NEK10: variants seen among roughly 807,000 people sequenced by gnomAD.
NEK10 encodes NIMA related kinase 10.
Under a neutral mutation model 159.8 loss-of-function variants are expected in NEK10, and 122 were observed. The ratio of observed to expected loss-of-function variants is 0.76; its 90% confidence interval spans 0.66 to 0.89. The LOEUF (loss-of-function observed/expected upper bound fraction) is 0.89. Among genes scored for constraint, NEK10 ranks in the 40% least tolerant of loss-of-function variants. The probability of loss-of-function intolerance (pLI) is 0.00; values close to 1 mark genes in which losing one functional copy is unlikely to be tolerated. For missense variants in NEK10, 1,342 were observed against 1,323.1 expected (o/e 1.01, Z -0.22); for synonymous variants, 466 against 457.1 (o/e 1.02, Z -0.25).
intron 1 of NEK10, among the ~76,000 whole-genome samples, chr3:27,361,165 T>C (rs1287563159): frequency 6.6e-6 from 1 of 152,246 alleles, no homozygotes. Context: ...TGATTTATTC[T>C]CATTCCAACT....
Position 27,236,874 on chromosome 3 carries a change from C to T in NEK10, c.2090+19422G>A, listed in dbSNP as rs989558697. ...GAAAACAGGGTTCAAGAGCACAGAA[C>T]CAGTCTGATCTCAAATTTACTAGGG... On this transcript the variant is annotated intron_variant, in intron 23 of 35. Coordinates refer to ENST00000691995, the MANE Select transcript of NEK10 (RefSeq NM_001394966.1). Among the ~76,000 whole-genome samples the T allele has an allele frequency of 8.5e-5, 13 of 152,244 alleles. No individual in the cohort carries two copies. The South Asian group carries it at 2.5e-3, about 29-fold the overall frequency.
At chr3:27,337,052 C>A (rs1395924798) in intron 5 of NEK10, among the ~76,000 whole-genome samples, 1 of 151,940 alleles carries the variant, frequency 6.6e-6, no homozygotes, top group Admixed American at 6.6e-5. Flanking sequence ...GAAGATGTAC[C>A]TCTTTGCAGA....
At chr3:27,243,065 T>C (rs985376672) in intron 23 of NEK10, among the ~76,000 whole-genome samples, 2 of 152,132 alleles carry the variant, frequency 1.3e-5, no homozygotes, top group Non-Finnish European at 2.9e-5. Context: ...TTAAAATCCT[T>C]CTCCAAAGAG....
At chr3:27,243,584 A>G (rs1291403665) in intron 23 of NEK10, among the ~76,000 whole-genome samples, 1 of 152,140 alleles carries the variant, frequency 6.6e-6, no homozygotes, top group Non-Finnish European at 1.5e-5. Flanking sequence ...ATATACTGTC[A>G]TAATGTCTGA....
chr3:27,165,343 G>A (rs1946382758), intron 29 of NEK10, among the ~76,000 whole-genome samples: 1 of 152,148 alleles, frequency 6.6e-6, no homozygotes, highest in South Asian at 2.1e-4. Flanking sequence ...GTTCACAGAT[G>A]GACAAATGGT....
intron 20 of NEK10, among the ~76,000 whole-genome samples, chr3:27,286,390 T>C (rs2042610662): frequency 6.6e-6 from 1 of 150,744 alleles, no homozygotes; most frequent in African/African-American, 2.4e-5. Flanking sequence ...CCAGCCTTTT[T>C]TTTTCTTTCT....
chr3:27,336,894 C>T (rs886641511), intron 5 of NEK10, among the ~76,000 whole-genome samples: 1 of 152,042 alleles, frequency 6.6e-6, no homozygotes. Flanking sequence ...CAGCCAATAT[C>T]ATACTGAAGG....
chr3:27,122,054 C>T (rs1488821738), intron 32 of NEK10, among the ~76,000 whole-genome samples: 1 of 152,118 alleles, frequency 6.6e-6, no homozygotes, highest in Non-Finnish European at 1.5e-5. Context: ...TGTTGACAAA[C>T]ACCTACTACC....
At chr3:27,155,189 C>A (rs1222733531) in intron 30 of NEK10, among the ~76,000 whole-genome samples, 1 of 152,168 alleles carries the variant, frequency 6.6e-6, no homozygotes, top group East Asian at 1.9e-4. Context: ...GAACTCAATT[C>A]TTTTCACAAT....
intron 4 of NEK10, among the ~76,000 whole-genome samples, 194 bp downstream of exon 4, chr3:27,345,892 T>C (rs1464659463): frequency 6.6e-6 from 1 of 152,224 alleles, no homozygotes; most frequent in Non-Finnish European, 1.5e-5. Flanking sequence ...CAGTTCCACC[T>C]GTACCCATTA....
chr3:27,354,078 T>C (rs1486030199), intron 1 of NEK10, among the ~76,000 whole-genome samples: 1 of 152,168 alleles, frequency 6.6e-6, no homozygotes, highest in African/African-American at 2.4e-5. Context: ...AACTTTACTC[T>C]TCCCTCAAAT....
In NEK10 at chr3:27,202,604, C is replaced by T. The variant is rs188849953; in HGVS notation, c.2091-47G>A. On this transcript the variant is annotated intron_variant, in intron 23 of 35. Transcript: ENST00000691995. Reference sequence around the variant, plus strand: ...AATACATGCTAAGGAAGGGAGAATCCGCTCAGAAAGATCCAATTTTCAAGC... The same window carrying T: ...AATACATGCTAAGGAAGGGAGAATCTGCTCAGAAAGATCCAATTTTCAAGC... The T allele has an allele frequency of 3.6e-4, 520 of 1,426,346 alleles. No homozygotes were observed. The African/African-American group carries it at 4.9e-3, about 14-fold the overall frequency. 88.4% of individuals were successfully genotyped at this position (1,426,346 alleles called of 1,614,324 possible).
chr3:27,304,652 G>A, intron 12 of NEK10, 95 bp downstream of exon 12: 1 of 760,200 alleles, frequency 1.3e-6, no homozygotes, highest in Non-Finnish European at 2.3e-6. Context: ...AAAGCAGGAG[G>A]GAATGAGGTG....
intron 23 of NEK10, among the ~76,000 whole-genome samples, chr3:27,222,306 G>A (rs1468490073): frequency 6.6e-6 from 1 of 152,236 alleles, no homozygotes; most frequent in Admixed American, 6.5e-5. Context: ...CTGAGAGGCA[G>A]AGGTGGCAGT....
At chr3:27,117,341 C>T (rs539176686) in intron 33 of NEK10, among the ~76,000 whole-genome samples, 9 of 151,982 alleles carry the variant, frequency 5.9e-5, no homozygotes, top group Non-Finnish European at 1.3e-4. Context: ...GGGTATATAC[C>T]CAGTAATGGG....
intron 31 of NEK10, among the ~76,000 whole-genome samples, chr3:27,137,751 G>A (rs1037221958): frequency 2.0e-5 from 3 of 152,142 alleles, no homozygotes; most frequent in African/African-American, 7.2e-5. Flanking sequence ...CCAAAAGGCA[G>A]CCATCGGGAA....
At chr3:27,253,077 C>G (rs1375445342) in intron 23 of NEK10, 3 of 349,082 alleles carry the variant, frequency 8.6e-6, no homozygotes, top group Non-Finnish European at 1.7e-5. Context: ...TCTACTTAAT[C>G]AGTTTTACCT....
Position 27,344,225 on chromosome 3 carries a change from C to T in NEK10, c.362+47G>A, listed in dbSNP as rs1427102193. On this transcript the variant is annotated intron_variant, in intron 5 of 35. Transcript: ENST00000691995. ...CATGTTCTAGAGACAAGATAGATGACATATGCCACTCTTCAGTAAAAGCCT... is the reference window on the plus strand; with the variant it reads ...CATGTTCTAGAGACAAGATAGATGATATATGCCACTCTTCAGTAAAAGCCT... 3.5e-6 allele frequency: 3 copies of T among 860,012 alleles called. No homozygotes were observed. The South Asian group carries it at 4.3e-5, about 12-fold the overall frequency. 53.3% of individuals were successfully genotyped at this position (860,012 alleles called of 1,614,324 possible). A position where few individuals can be genotyped will look rare whatever the true frequency, so the allele number is the denominator to read the frequency against.
chr3:27,211,828 T>C (rs1951032585), intron 23 of NEK10, among the ~76,000 whole-genome samples: 1 of 152,202 alleles, frequency 6.6e-6, no homozygotes, highest in Non-Finnish European at 1.5e-5. Flanking sequence ...GATTGATTGA[T>C]TGATTGAAAA....
Sources: gnomAD v4.1 joint callset for allele counts (sites outside exome capture counted in the v4.1 genomes callset) on GRCh38, gnomAD v4.1.1 for gene constraint, MANE v1.5 for transcripts, NCBI Gene and HGNC (gene_info 2026-07-23, HGNC 2026-07-21) for gene names.